UVRAG: variants seen among roughly 807,000 people sequenced by gnomAD.
UVRAG encodes the protein UV radiation resistance associated.
UVRAG carries 19 observed loss-of-function variants against 78.0 expected under a neutral mutation model. The observed-to-expected ratio is 0.24, with a 90% CI of 0.17 to 0.36. The LOEUF is 0.36. Ranked by LOEUF, UVRAG falls within the 10% of genes least tolerant of loss-of-function variation. The pLI is 1.00. For missense variants in UVRAG, 740 were observed against 853.8 expected, an observed-to-expected ratio of 0.87 and a Z score of 1.66; for synonymous variants, 323 against 324.6, an observed-to-expected ratio of 1.00 and a Z score of 0.05.
chr11:76,068,535 G>A (rs1008169729), intron 13 of UVRAG, among the ~76,000 whole-genome samples: 2 of 152,046 alleles, frequency 1.3e-5, no homozygotes, highest in African/African-American at 4.8e-5. Context: ...TAAAAGGAGG[G>A]GACAGTAAAC....
Position 75,888,871 on chromosome 11 carries a change from G to C in UVRAG, c.475G>C (p.Asp159His). 1 of 1,613,764 alleles carries C rather than the reference G, an allele frequency of 6.2e-7. No individual in the cohort carries two copies. The highest frequency in any genetic ancestry group is 8.5e-7 in the Non-Finnish European group (1 of 1,179,878). The change falls in exon 5 of 15, where the codon GAT (aspartate) becomes CAT (histidine). Residue 159 changes from aspartate to histidine, a missense_variant. Physicochemically the swap from Asp to His is moderately conservative, Grantham distance 81. Coordinates refer to ENST00000356136, the MANE Select transcript of UVRAG (RefSeq NM_003369.4). ...NQNEIIFGLN[D>H]GYYGAPFEHK... Reference sequence around the variant, plus strand: ...AAATGAAATAATTTTTGGGCTGAATGATGGATACTATGGTGCTCCATTTGA... The same window carrying C: ...AAATGAAATAATTTTTGGGCTGAATCATGGATACTATGGTGCTCCATTTGA...
intron 5 of UVRAG, among the ~76,000 whole-genome samples, chr11:75,907,316 A>T (rs1199420981): frequency 1.3e-5 from 2 of 151,630 alleles, no homozygotes; most frequent in Non-Finnish European, 2.9e-5. Context: ...TGAGTCTTTC[A>T]CCATTGAGTA....
chr11:75,854,972 C>T (rs986281433), intron 2 of UVRAG, among the ~76,000 whole-genome samples: 1 of 152,044 alleles, frequency 6.6e-6, no homozygotes, highest in African/African-American at 2.4e-5. Context: ...TGTTCTTGCC[C>T]CAGTGTTACC....
Position 76,102,626 on chromosome 11 carries a change from AG to A in UVRAG, c.1306-13294del, listed in dbSNP as rs151201703. Among the ~76,000 whole-genome samples, 1,150 of 152,156 alleles carry A rather than the reference AG, an allele frequency of 7.6e-3. 20 individuals carry two copies. Among genetic ancestry groups the A allele is most frequent in the African/African-American group, 0.027 (1,105 of 41,518 alleles). The stretch of plus-strand genomic sequence containing the variant: ...CTATGTCAAATAGGAGTGGTGAGAG[AG>A]GGGATCCTTGTCTCCTGCTGGTTTT... On this transcript the variant is annotated intron_variant, in intron 13 of 14. Transcript: ENST00000356136.
At chr11:76,016,769 A>T in intron 11 of UVRAG, 46 bp from the exon 12 acceptor site, 1 of 1,465,228 alleles carries the variant, frequency 6.8e-7, no homozygotes. Context: ...ATGGTTATTT[A>T]TAAGGTAAAT....
intron 12 of UVRAG, among the ~76,000 whole-genome samples, chr11:76,022,425 C>T (rs532854361): frequency 2.0e-5 from 3 of 151,752 alleles, no homozygotes; most frequent in East Asian, 2.1e-4. Context: ...TATATTTCTC[C>T]TTTCAATTCT....
intron 12 of UVRAG, among the ~76,000 whole-genome samples, chr11:76,037,539 C>CAAAAAA (rs61354759): frequency 2.1e-5 from 1 of 48,518 alleles, no homozygotes; most frequent in East Asian, 1.1e-3. Context: ...TTTGTCTTTA[C>CAAAAAA]AAAAAAAAAA....
chr11:75,927,098 C>G (rs1948124815), intron 6 of UVRAG, among the ~76,000 whole-genome samples: 1 of 142,764 alleles, frequency 7.0e-6, no homozygotes, highest in Admixed American at 7.2e-5. Flanking sequence ...GAGATGAAGT[C>G]TCGCTCTGTT....
At chr11:76,126,392 A>G (rs951466017) in intron 14 of UVRAG, among the ~76,000 whole-genome samples, 6 of 152,304 alleles carry the variant, frequency 3.9e-5, no homozygotes, top group African/African-American at 1.2e-4. Context: ...AATATTTTAC[A>G]TTCTCTTTTT....
intron 12 of UVRAG, among the ~76,000 whole-genome samples, chr11:76,052,453 G>A (rs1950888146): frequency 6.6e-6 from 1 of 152,082 alleles, no homozygotes; most frequent in African/African-American, 2.4e-5. Context: ...CTCTCTCTAT[G>A]CCAGGCTTCC....
chr11:75,828,697 GTATA>G lies in UVRAG; in HGVS notation c.117+13183_117+13186del, dbSNP rs139603894. Reference sequence around the variant, plus strand: ...AATATATACACATATACATGTGTGTGTATATATATATATGTGTATATATATGTGT... The same window carrying G: ...AATATATACACATATACATGTGTGTGTATATATATGTGTATATATATGTGT... On this transcript the variant is annotated intron_variant, in intron 1 of 14. Transcript: ENST00000356136. 9.0e-3 allele frequency among the ~76,000 whole-genome samples: 1,209 copies of G among 133,966 alleles called. 27 individuals are homozygous for G. Among genetic ancestry groups the G allele is most frequent in the African/African-American group, 0.032 (1,118 of 35,280 alleles). The allele number at this position is 133,966 out of a possible 152,430, so 87.9% of individuals were successfully genotyped here. A position where few individuals can be genotyped will look rare whatever the true frequency, so the allele number is the denominator to read the frequency against.
chr11:76,049,017 A>G (rs1950814806), intron 12 of UVRAG, among the ~76,000 whole-genome samples: 1 of 152,244 alleles, frequency 6.6e-6, no homozygotes, highest in Admixed American at 6.5e-5. Flanking sequence ...CATATCTTAT[A>G]TAATCATAGC....
intron 12 of UVRAG, among the ~76,000 whole-genome samples, chr11:76,055,795 C>T (rs1378034273): frequency 3.3e-5 from 5 of 152,082 alleles, no homozygotes; most frequent in African/African-American, 7.2e-5. Flanking sequence ...CTGCAAGCTC[C>T]GCCTCCCAGG....
intron 1 of UVRAG, among the ~76,000 whole-genome samples, chr11:75,840,279 T>C (rs1025704623): frequency 9.2e-5 from 14 of 151,660 alleles, no homozygotes; most frequent in African/African-American, 3.4e-4. Context: ...TAATTCCTAA[T>C]AATAGTCTGT....
At chr11:76,034,772 T>A (rs2135406783) in intron 12 of UVRAG, among the ~76,000 whole-genome samples, 1 of 152,278 alleles carries the variant, frequency 6.6e-6, no homozygotes, top group Middle Eastern at 3.4e-3. Flanking sequence ...TGGAAACCTT[T>A]AAAAAGACTT....
intron 5 of UVRAG, among the ~76,000 whole-genome samples, chr11:75,890,416 T>C (rs1316247377): frequency 6.6e-6 from 1 of 152,164 alleles, no homozygotes; most frequent in Non-Finnish European, 1.5e-5. Flanking sequence ...TCATTAGGAC[T>C]TGCTGATGAT....
chr11:75,938,084 T>TAC (rs142037879), intron 6 of UVRAG, among the ~76,000 whole-genome samples: 12,815 of 151,392 alleles, frequency 0.085, 972 homozygotes, highest in African/African-American at 0.21. Flanking sequence ...TATATGTATA[T>TAC]ACACACACAC....
intron 6 of UVRAG, among the ~76,000 whole-genome samples, chr11:75,941,803 T>C (rs1354817754): frequency 6.6e-6 from 1 of 152,120 alleles, no homozygotes; most frequent in Admixed American, 6.6e-5. Context: ...ACTTTAGATG[T>C]GGAACTTCAG....
intron 7 of UVRAG, among the ~76,000 whole-genome samples, chr11:75,962,196 G>A (rs1048906438): frequency 1.3e-5 from 2 of 152,006 alleles, no homozygotes; most frequent in African/African-American, 4.8e-5. Context: ...ACTTTGTGCT[G>A]TGGATTGGAC....
Sources: gnomAD v4.1 joint callset for allele counts (sites outside exome capture counted in the v4.1 genomes callset) on GRCh38, gnomAD v4.1.1 for gene constraint, MANE v1.5 for transcripts, NCBI Gene and HGNC (gene_info 2026-07-23, HGNC 2026-07-21) for gene names.